Variants in WDFY4 observed in about 807,000 individuals in gnomAD.
WDFY4 encodes WDFY family member 4.
A neutral mutation model predicts 351.9 loss-of-function variants in WDFY4; 169 were observed. The observed-to-expected ratio is 0.48, with a 90% confidence interval of 0.42 to 0.55. The LOEUF (loss-of-function observed/expected upper bound fraction) is 0.55, where lower values mean the gene tolerates loss of function less well. Among genes scored for constraint, WDFY4 ranks in the 20% least tolerant of loss-of-function variants. WDFY4 has a pLI of 0.00. For missense variants in WDFY4, 3,803 were observed against 3,935.6 expected, an observed-to-expected ratio of 0.97 and a Z score of 0.90; for synonymous variants, 1,622 against 1,574.6, an observed-to-expected ratio of 1.03 and a Z score of -0.71.
chr10:48,777,108 T>A (rs1213612215), intron 16 of WDFY4, 124 bp downstream of exon 16: 2 of 1,258,070 alleles, frequency 1.6e-6, no homozygotes, highest in Non-Finnish European at 2.2e-6. Flanking sequence ...GAGGAAAATG[T>A]CTGGGTCATG....
intron 48 of WDFY4, 63 bp from the exon 49 acceptor site, chr10:48,943,267 A>G: frequency 6.5e-7 from 1 of 1,535,180 alleles, no homozygotes; most frequent in East Asian, 2.5e-5. Context: ...TGAGGGTGGG[A>G]CCCATGGCTT....
intron 51 of WDFY4, among the ~76,000 whole-genome samples, chr10:48,948,191 G>A (rs1056622976): frequency 3.3e-5 from 5 of 152,130 alleles, no homozygotes; most frequent in Admixed American, 6.5e-5. Flanking sequence ...CCTCCTTGAC[G>A]GCATAACACG....
In WDFY4 at chr10:48,780,111, T is replaced by C; in HGVS notation, c.3568T>C (p.Ser1190Pro). ...CTGTCTGGATGGACAGGTCATTGGC[T>C]CTGCCAAGGTGAGATGGCTCCTCCA... ...STCLDGQVIGSAKMLYIQALP... is the reference protein window; with the variant it reads ...STCLDGQVIGPAKMLYIQALP... Residue 1190 changes from serine (S) to proline (P), a missense_variant, in exon 19 of 62, where the codon TCT (serine) becomes CCT (proline). Ser to Pro is a moderately conservative substitution (Grantham distance 74). This residue lies in a region of WDFY4 where 3,054 missense variants were observed against 3,148.6 expected (regional missense o/e 0.97). Transcript: ENST00000325239. The C allele has an allele frequency of 1.3e-6, 2 of 1,551,952 alleles. No individual in the cohort carries two copies. Among genetic ancestry groups the C allele is most frequent in the Non-Finnish European group, 1.7e-6 (2 of 1,146,986 alleles).
chr10:48,696,190 G>A (rs1167516089), intron 1 of WDFY4, among the ~76,000 whole-genome samples: 1 of 152,224 alleles, frequency 6.6e-6, no homozygotes. Context: ...GGTAAGAAGT[G>A]GGGACACTCG....
At chr10:48,788,444 GT>G (rs1312589124) in intron 20 of WDFY4, 85 bp from the exon 21 acceptor site, 2 of 1,432,926 alleles carry the variant, frequency 1.4e-6, no homozygotes, top group African/African-American at 1.4e-5. Context: ...TTACTTTGCT[GT>G]GTGACAGAGA....
chr10:48,696,344 C>A (rs1565100200), intron 1 of WDFY4, among the ~76,000 whole-genome samples: 1 of 152,342 alleles, frequency 6.6e-6, no homozygotes, highest in East Asian at 1.9e-4. Flanking sequence ...CCACTCCTTG[C>A]TCTCCCACCT....
intron 56 of WDFY4, among the ~76,000 whole-genome samples, chr10:48,969,469 T>C (rs1842239737): frequency 6.6e-6 from 1 of 152,156 alleles, no homozygotes; most frequent in Non-Finnish European, 1.5e-5. Context: ...TGGCAGTGTA[T>C]ACTGTCACCT....
At chr10:48,896,256 T>C (rs1045565094) in intron 44 of WDFY4, among the ~76,000 whole-genome samples, 5 of 152,236 alleles carry the variant, frequency 3.3e-5, no homozygotes, top group Non-Finnish European at 4.4e-5. Flanking sequence ...CCTGTTAGCA[T>C]GGATGCTGGG....
chr10:48,802,596 G>C, intron 24 of WDFY4: 1 of 420,518 alleles, frequency 2.4e-6, no homozygotes, highest in Non-Finnish European at 4.8e-6. Flanking sequence ...AGACATGATG[G>C]CATCCATCAA....
intron 1 of WDFY4, among the ~76,000 whole-genome samples, chr10:48,686,362 C>CCATAATAA (rs1171220799): frequency 2.0e-5 from 3 of 149,708 alleles, no homozygotes; most frequent in African/African-American, 7.4e-5. Flanking sequence ...TTTAGAAAGA[C>CCATAATAA]CATAATAAGA....
At chr10:48,787,102 T>G (rs1382641196) in intron 20 of WDFY4, among the ~76,000 whole-genome samples, 1 of 152,216 alleles carries the variant, frequency 6.6e-6, no homozygotes, top group African/African-American at 2.4e-5. Context: ...AGAGGTGGGT[T>G]GGGCAATACC....
intron 13 of WDFY4, among the ~76,000 whole-genome samples, chr10:48,766,548 T>A (rs2170129): frequency 6.6e-6 from 1 of 151,988 alleles, no homozygotes; most frequent in South Asian, 2.1e-4. Context: ...GAGCCATGAT[T>A]GTGCCATTGA....
intron 35 of WDFY4, among the ~76,000 whole-genome samples, chr10:48,825,949 T>C (rs952336172): frequency 2.0e-5 from 3 of 152,220 alleles, no homozygotes; most frequent in Non-Finnish European, 4.4e-5. Context: ...GTGCAGAAGC[T>C]CTTTAGTTTA....
chr10:48,972,652 G>A (rs1252870268), intron 57 of WDFY4, among the ~76,000 whole-genome samples: 1 of 152,176 alleles, frequency 6.6e-6, no homozygotes, highest in Non-Finnish European at 1.5e-5. Flanking sequence ...ACATAGTGCT[G>A]CAGAAAACAT....
At chr10:48,891,423 G>A (rs2663038) in intron 44 of WDFY4, among the ~76,000 whole-genome samples, 64,797 of 152,180 alleles carry the variant, frequency 0.43, 15,658 homozygotes, top group Non-Finnish European at 0.55. Flanking sequence ...ATGAAGTAAG[G>A]CCATTCAAAA....
intron 60 of WDFY4, 84 bp from the exon 61 acceptor site, chr10:48,981,283 T>A: frequency 9.3e-7 from 1 of 1,080,804 alleles, no homozygotes; most frequent in Non-Finnish European, 1.4e-6. Flanking sequence ...TGTGCGTATG[T>A]GTTTGCGGCC....
At chr10:48,913,830 G>A (rs1240991138) in intron 47 of WDFY4, 1 of 1,614,098 alleles carries the variant, frequency 6.2e-7, no homozygotes, top group Non-Finnish European at 8.5e-7. Flanking sequence ...CCCGTTGCTG[G>A]TCAGCCGGTT....
chr10:48,973,755 G>T (rs1289261965), intron 57 of WDFY4, among the ~76,000 whole-genome samples: 1 of 152,172 alleles, frequency 6.6e-6, no homozygotes, highest in Non-Finnish European at 1.5e-5. Context: ...GGCCACTTTG[G>T]CCCCTTGGGG....
intron 47 of WDFY4, among the ~76,000 whole-genome samples, chr10:48,922,685 C>A (rs1394870409): frequency 1.3e-5 from 2 of 152,078 alleles, no homozygotes; most frequent in Non-Finnish European, 2.9e-5. Context: ...TGTGGGTAAG[C>A]GAGGACTGTG....
Sources: allele counts gnomAD v4.1 joint callset (sites outside exome capture counted in the v4.1 genomes callset), GRCh38; gene constraint gnomAD v4.1.1; regional missense constraint gnomAD v4.1.1; transcripts MANE v1.5; gene names NCBI Gene and HGNC (gene_info 2026-07-23, HGNC 2026-07-21).